Variants in CLASRP observed in about 807,000 individuals in gnomAD.
The protein encoded by CLASRP is CLK4 associating serine/arginine rich protein, also known as CLK4-associating serine/arginine rich protein.
CLASRP carries 52 observed loss-of-function variants against 99.9 expected under a neutral mutation model. The ratio of observed to expected loss-of-function variants is 0.52; its 90% CI spans 0.42 to 0.66. CLASRP has a LOEUF of 0.66. Among genes scored for constraint, CLASRP ranks in the 30% least tolerant of loss-of-function variants. The pLI, the probability that CLASRP is intolerant of heterozygous loss-of-function variation, is 0.00. For missense variants in CLASRP, 848 were observed against 999.2 expected, an observed-to-expected ratio of 0.85 and a Z score of 2.04; for synonymous variants, 379 against 373.0, an observed-to-expected ratio of 1.02 and a Z score of -0.18.
chr19:45,043,434 A>T (rs11083757), intron 2 of CLASRP, among the ~76,000 whole-genome samples: 115 of 145,784 alleles, frequency 7.9e-4, no homozygotes, highest in East Asian at 1.7e-3. Context: ...AAAAAAAAAA[A>T]TTTTTTCCAT....
intron 5 of CLASRP, 120 bp downstream of exon 5, chr19:45,053,297 G>T: frequency 1.1e-6 from 1 of 912,738 alleles, no homozygotes; most frequent in Non-Finnish European, 1.7e-6. Context: ...CTTGGGTTCC[G>T]GCTCCAGCTC....
intron 1 of CLASRP, among the ~76,000 whole-genome samples, chr19:45,039,368 C>A (rs1479058888): frequency 4.7e-5 from 7 of 148,232 alleles, no homozygotes; most frequent in South Asian, 4.2e-4. Flanking sequence ...AAAAAAAAAA[C>A]AACAAAAAAA....
Position 45,067,296 on chromosome 19 carries a change from T to C in CLASRP, c.1410-41T>C. On this transcript the variant is annotated intron_variant, in intron 13 of 20. Transcript: ENST00000221455. The surrounding 1 kb of genome is among the most constrained non-coding windows in gnomAD (Gnocchi z 4.9). ...CAGGGTGGGGTGCGGTTGGGGTCCC[T>C]GGAGCCTCACAGTCCTCCTCCCGCC... is the stretch of plus-strand genomic sequence containing the variant. 6.8e-7 allele frequency: 1 copy of C among 1,460,434 alleles called. No individual in the cohort carries two copies. Among genetic ancestry groups the C allele is most frequent in the African/African-American group, 1.4e-5 (1 of 70,700 alleles). 90.5% of individuals were successfully genotyped at this position (1,460,434 alleles called of 1,614,324 possible).
chr19:45,068,989 C>CA (rs376538298), intron 16 of CLASRP, 77 bp from the exon 17 acceptor site: 105,001 of 1,049,256 alleles, frequency 0.1, 38 homozygotes, highest in Non-Finnish European at 0.1. Flanking sequence ...GACTCTGTCT[C>CA]AAAAAAAAAA....
intron 2 of CLASRP, among the ~76,000 whole-genome samples, chr19:45,049,607 T>C (rs1449306027): frequency 6.6e-6 from 1 of 152,202 alleles, no homozygotes; most frequent in Non-Finnish European, 1.5e-5. Flanking sequence ...ATCTGCTGGC[T>C]GAGGGCTGAG....
chr19:45,064,224 C>T lies in CLASRP; in HGVS notation c.1118C>T (p.Ala373Val), dbSNP rs756678244. 1.1e-5 allele frequency: 17 copies of T among 1,589,880 alleles called. No homozygotes were observed. Among genetic ancestry groups the T allele is most frequent in the Non-Finnish European group, 1.2e-5 (14 of 1,169,614 alleles). The change falls in exon 12 of 21, where the codon GCC becomes GTC. Residue 373 changes from alanine (A) to valine (V), a missense_variant. Coordinates refer to ENST00000221455, the MANE Select transcript of CLASRP (RefSeq NM_007056.3). ...GGPAPGRNAS[A>V]RRRSSSSSSS... ...CCCGCCCCGGGACGTAATGCCAGCG[C>T]CCGGTCGGTAACGCTCACGCCGCCC...
Position 45,064,361 on chromosome 19 carries a change from C to T in CLASRP, c.1140C>T (p.Ser380=), listed in dbSNP as rs528199279. 35 of 1,533,316 alleles carry T rather than the reference C, an allele frequency of 2.3e-5. No individual in the cohort carries two copies. The African/African-American group carries it at 4.2e-4, about 19-fold the overall frequency. The allele number at this position is 1,533,316 out of a possible 1,614,324, so 95.0% of individuals were successfully genotyped here. A position where few individuals can be genotyped will look rare whatever the true frequency, so the allele number is the denominator to read the frequency against. The part of the protein sequence containing the change: ...NASARRRSSS[S]SSSSSASRTS... ...CCTGCAGCCGCCGCTCCTCCTCCTC[C>T]TCCTCCTCCTCTTCTGCCTCGAGGA... Residue 380 remains serine, a synonymous_variant, in exon 13 of 21, where the codon TCC becomes TCT. Transcript: ENST00000221455.
intron 13 of CLASRP, among the ~76,000 whole-genome samples, chr19:45,065,464 G>A (rs906318642): frequency 6.6e-6 from 1 of 152,020 alleles, no homozygotes; most frequent in Non-Finnish European, 1.5e-5. Flanking sequence ...AGGAGGCTGA[G>A]GCACGAGAAT....
At position 45,064,123 on chromosome 19, in the gene CLASRP, A is replaced by AGCCGCAGCCGCTGCT. The variant is rs764059896; in HGVS notation, c.1026_1040dup (p.Ala344_Ala348dup). On this transcript the variant is annotated inframe_insertion, in exon 12 of 21. Transcript: ENST00000221455. The stretch of plus-strand genomic sequence containing the variant: ...GTTTTGGGGGCAGCGATGAGGAGGC[A>AGCCGCAGCCGCTGCT]GCCGCAGCCGCTGCTGCCGCAGCAG... 18 of 1,609,830 alleles carry AGCCGCAGCCGCTGCT rather than the reference A, an allele frequency of 1.1e-5. No homozygotes were observed. The highest frequency in any genetic ancestry group is 3.3e-5 in the South Asian group (3 of 91,024).
chr19:45,047,790 A>G (rs1311907846), intron 2 of CLASRP, among the ~76,000 whole-genome samples: 2 of 152,162 alleles, frequency 1.3e-5, no homozygotes, highest in African/African-American at 2.4e-5. Context: ...CCACAATAAA[A>G]AAATTATTCT....
At chr19:45,042,230 A>G (rs1971826043) in intron 2 of CLASRP, among the ~76,000 whole-genome samples, 1 of 152,108 alleles carries the variant, frequency 6.6e-6, no homozygotes, top group Non-Finnish European at 1.5e-5. Flanking sequence ...CTTTCTCTCA[A>G]GGGCACTTAG....
In CLASRP at chr19:45,043,548, A is replaced by G. The variant is rs1162311346; in HGVS notation, c.99+3237A>G. Among the ~76,000 whole-genome samples the G allele has an allele frequency of 2.6e-5, 4 of 152,224 alleles. No individual in the cohort carries two copies. In the East Asian group the frequency reaches 5.8e-4, roughly 22 times the overall value. On this transcript the variant is annotated intron_variant, in intron 2 of 20. Coordinates refer to ENST00000221455, the MANE Select transcript of CLASRP (RefSeq NM_007056.3). ...GGTCCATCAAATATGGTTTGAAAGA[A>G]TAGATGAATAAAACAATATTAACAA...
At chr19:45,063,173 T>C (rs1337992325) in intron 11 of CLASRP, among the ~76,000 whole-genome samples, 2 of 151,998 alleles carry the variant, frequency 1.3e-5, no homozygotes, top group Non-Finnish European at 2.9e-5. Flanking sequence ...ACGTTTGTTT[T>C]TTTTTTCTTT....
In CLASRP at chr19:45,057,663, G is replaced by A. The variant is rs532170241; in HGVS notation, c.465-87G>A. 34 of 1,494,040 alleles carry A rather than the reference G, an allele frequency of 2.3e-5. No homozygotes were observed. The African/African-American group carries it at 2.8e-4, about 12-fold the overall frequency. 92.5% of individuals were successfully genotyped at this position (1,494,040 alleles called of 1,614,324 possible). A position where few individuals can be genotyped will look rare whatever the true frequency, so the allele number is the denominator to read the frequency against. ...AGGGAGAGCCTGAGGGGAGGGGGCC[G>A]TGGCACTCGAGACTGGTGTGTGGGG... On this transcript the variant is annotated intron_variant, in intron 6 of 20. Coordinates refer to ENST00000221455, the MANE Select transcript of CLASRP (RefSeq NM_007056.3).
intron 18 of CLASRP, 116 bp downstream of exon 18, chr19:45,069,364 G>GT (rs1967179865): frequency 9.6e-7 from 1 of 1,046,664 alleles, no homozygotes; most frequent in Non-Finnish European, 1.4e-6. Context: ...GAAAGGCAGA[G>GT]ATCCCTGCCT....
At chr19:45,054,186 T>G (rs1418298400) in intron 5 of CLASRP, among the ~76,000 whole-genome samples, 1 of 152,166 alleles carries the variant, frequency 6.6e-6, no homozygotes, top group Non-Finnish European at 1.5e-5. Flanking sequence ...CTTGGGCTTT[T>G]TTGTCTGTAT....
intron 13 of CLASRP, among the ~76,000 whole-genome samples, chr19:45,065,408 AAAATT>A (rs1188176581): frequency 1.3e-5 from 2 of 150,558 alleles, no homozygotes; most frequent in Admixed American, 1.3e-4. Flanking sequence ...AAAAAAAAAA[AAAATT>A]AGCTGGGCGT....
intron 2 of CLASRP, among the ~76,000 whole-genome samples, chr19:45,045,514 CT>C (rs1311587495): frequency 6.6e-6 from 1 of 151,778 alleles, no homozygotes; most frequent in Non-Finnish European, 1.5e-5. Context: ...AAGACCCTGT[CT>C]TTAAAAAAAA....
At position 45,067,988 on chromosome 19, in the gene CLASRP, A is replaced by G. The variant is rs760634658; in HGVS notation, c.1668-27A>G. On this transcript the variant is annotated intron_variant, in intron 14 of 20. Transcript: ENST00000221455. This position sits in a 1 kb window ranked among gnomAD's most constrained non-coding sequence, Gnocchi z 4.9. ...CAGCTGCCCTTTCCCCCTCCCAACC[A>G]TGTCCTCTGGCCCTGCCCCCACCCA... The G allele has an allele frequency of 3.8e-6, 6 of 1,582,310 alleles. No homozygotes were observed. The highest frequency in any genetic ancestry group is 2.7e-5 in the African/African-American group (2 of 74,232).
Sources: gnomAD v4.1 joint callset for allele counts (sites outside exome capture counted in the v4.1 genomes callset) on GRCh38, gnomAD v4.1.1 for gene constraint, Gnocchi (gnomAD v3.1) non-coding constraint, MANE v1.5 for transcripts, NCBI Gene and HGNC (gene_info 2026-07-23, HGNC 2026-07-21) for gene names.